The following LBR variants were observed in gnomAD, a reference collection of about 807,000 sequenced individuals.
LBR encodes delta(14)-sterol reductase LBR.
A neutral mutation model predicts 74.3 loss-of-function variants in LBR; 28 were observed. The ratio of observed to expected loss-of-function variants is 0.38; its 90% CI spans 0.28 to 0.52. LBR has a LOEUF of 0.52. Ranked by LOEUF, LBR falls within the 20% of genes least tolerant of loss-of-function variation. LBR has a pLI of 0.89. For synonymous variants in LBR, 228 were observed against 269.3 expected (o/e 0.85, Z 1.50); for missense variants, 717 against 760.3 (o/e 0.94, Z 0.67).
intron 6 of LBR, 132 bp from the exon 7 acceptor site, chr1:225,415,464 T>C (rs12089582): frequency 4.5e-5 from 27 of 603,672 alleles, no homozygotes; most frequent in Non-Finnish European, 6.2e-5. Context: ...TCTTGTAACA[T>C]GGAAATTTAG....
rs138247157 is a variant in LBR at position 225,404,545 on chromosome 1, A to G, written c.1565-19T>C. ...TTTAAATCTATATAAAAATAAAAGT[A>G]CATTTTTAATGATGTCGAGACAAAA... On this transcript the variant is annotated intron_variant, in intron 12 of 13. Coordinates refer to ENST00000272163, the MANE Select transcript of LBR (RefSeq NM_002296.4). 6.3e-7 allele frequency: 1 copy of G among 1,582,298 alleles called. No individual in the cohort carries two copies. The highest frequency in any genetic ancestry group is 1.4e-5 in the African/African-American group (1 of 73,100).
chr1:225,410,532 T>A (rs901147559), intron 9 of LBR, 116 bp from the exon 10 acceptor site: 1 of 1,032,462 alleles, frequency 9.7e-7, no homozygotes, highest in Non-Finnish European at 1.5e-6. Flanking sequence ...CCGTAACTCC[T>A]ACCCGCCACC....
chr1:225,408,310 G>C (rs766984059), intron 10 of LBR, among the ~76,000 whole-genome samples: 18 of 152,192 alleles, frequency 1.2e-4, no homozygotes, highest in Non-Finnish European at 2.6e-4. Context: ...GTCCCCAAGA[G>C]TGTCTTATTC....
At chr1:225,423,273 C>T (rs1369063363) in intron 2 of LBR, among the ~76,000 whole-genome samples, 1 of 152,154 alleles carries the variant, frequency 6.6e-6, no homozygotes, top group African/African-American at 2.4e-5. Context: ...TACTACGGAT[C>T]AGATATCTTA....
At chr1:225,406,139 T>C (rs1312243587) in intron 11 of LBR, among the ~76,000 whole-genome samples, 2 of 152,052 alleles carry the variant, frequency 1.3e-5, no homozygotes, top group African/African-American at 4.8e-5. Flanking sequence ...CCCATCCCAT[T>C]TTCCCCTCTA....
Position 225,410,276 on chromosome 1 carries a change from C to G in LBR, c.1314+15G>C. The G allele has an allele frequency of 6.2e-7, 1 of 1,613,882 alleles. No homozygotes were observed. ...GCCATCTGACTCCAAGGCCTCGGCT[C>G]TTAAAATTAATTACCTCATTCCAGA... On this transcript the variant is annotated intron_variant, in intron 10 of 13. Transcript: ENST00000272163.
chr1:225,415,131 G>A (rs985147986), intron 7 of LBR, 147 bp downstream of exon 7: 12 of 609,352 alleles, frequency 2.0e-5, no homozygotes, highest in Non-Finnish European at 3.3e-5. Context: ...ATACAAGTTG[G>A]CTACAGGTAT....
intron 7 of LBR, among the ~76,000 whole-genome samples, 179 bp from the exon 8 acceptor site, chr1:225,412,824 A>G (rs996471168): frequency 6.6e-6 from 1 of 152,238 alleles, no homozygotes; most frequent in African/African-American, 2.4e-5. Context: ...CAATATACAT[A>G]CCATTATCTC....
At chr1:225,410,745 C>CT (rs1458035482) in intron 9 of LBR, among the ~76,000 whole-genome samples, 2 of 152,178 alleles carry the variant, frequency 1.3e-5, no homozygotes, top group African/African-American at 4.8e-5. Flanking sequence ...CAAGGAAAGC[C>CT]TAAACAACTA....
At chr1:225,412,120 G>T (rs2096107046) in intron 8 of LBR, among the ~76,000 whole-genome samples, 1 of 152,150 alleles carries the variant, frequency 6.6e-6, no homozygotes, top group Non-Finnish European at 1.5e-5. Flanking sequence ...AGTAACCTCT[G>T]TTGTTTTTTG....
At position 225,402,834 on chromosome 1, in the gene LBR, T is replaced by C. The variant is rs2096084011; in HGVS notation, c.*469A>G. On this transcript the variant is annotated 3_prime_UTR_variant, in exon 14 of 14. Transcript: ENST00000272163. ...GGCCCTTCTTTTTGCTTTCAAATTA[T>C]ATAATTAGTAAAGGATTTAAAGAAA... 1.2e-5 allele frequency: 2 copies of C among 161,330 alleles called. No homozygotes were observed. Among genetic ancestry groups the C allele is most frequent in the African/African-American group, 4.8e-5 (2 of 41,504 alleles). The allele number at this position is 161,330 out of a possible 1,614,324, so 10.0% of individuals were successfully genotyped here.
chr1:225,410,625 C>G (rs1424744962), intron 9 of LBR, among the ~76,000 whole-genome samples: 2 of 152,210 alleles, frequency 1.3e-5, no homozygotes, highest in African/African-American at 4.8e-5. Flanking sequence ...GTTCCTGTCA[C>G]AGTGGGTAAC....
intron 1 of LBR, among the ~76,000 whole-genome samples, chr1:225,425,597 C>A (rs897658350): frequency 6.6e-6 from 1 of 152,142 alleles, no homozygotes; most frequent in African/African-American, 2.4e-5. Flanking sequence ...GGCATAAAAA[C>A]GGAAGGTGAC....
rs2096085115 is a variant in LBR at position 225,403,398 on chromosome 1, C to A, written c.1753G>T (p.Ala585Ser). 6.2e-7 allele frequency: 1 copy of A among 1,613,534 alleles called. No individual in the cohort carries two copies. The highest frequency in any genetic ancestry group is 8.5e-7 in the Non-Finnish European group (1 of 1,179,780). Residue 585 changes from alanine to serine, a missense_variant, in exon 14 of 14, where the codon GCT (alanine) becomes TCT (serine). Transcript: ENST00000272163. ...YFTMLLVHRE[A>S]RDEYHCKKKY... is the part of the protein sequence containing the mutation. ...TTCTTACAGTGGTACTCGTCACGAG[C>A]TTCTCGGTGGACAAGCAACATGGTG...
At chr1:225,404,586 T>C (rs1272124018) in intron 12 of LBR, 40 bp downstream of exon 12, 1 of 1,560,820 alleles carries the variant, frequency 6.4e-7, no homozygotes, top group South Asian at 1.1e-5. Context: ...AATAAAACCT[T>C]CATGTAATAT....
chr1:225,419,458 T>C lies in LBR; in HGVS notation c.451-6A>G, dbSNP rs372339302. 3 of 1,596,744 alleles carry C rather than the reference T, an allele frequency of 1.9e-6. No individual in the cohort carries two copies. The highest frequency in any genetic ancestry group is 2.6e-6 in the Non-Finnish European group (3 of 1,164,722). Reference sequence around the variant, plus strand: ...TGTGACAAACTGAATTTTTCCTAAATGAAAAATTTAAAAATTAAATATCTG... The same window carrying C: ...TGTGACAAACTGAATTTTTCCTAAACGAAAAATTTAAAAATTAAATATCTG... On this transcript the variant is annotated splice_polypyrimidine_tract_variant and splice_region_variant and intron_variant, in intron 4 of 13. Coordinates refer to ENST00000272163, the MANE Select transcript of LBR (RefSeq NM_002296.4).
intron 1 of LBR, chr1:225,427,656 C>A (rs1022022982): frequency 3.3e-5 from 5 of 152,474 alleles, no homozygotes; most frequent in African/African-American, 1.2e-4. Context: ...CGCGCCGCGC[C>A]GCCAACATGG....
At chr1:225,410,506 C>A in intron 9 of LBR, 90 bp from the exon 10 acceptor site, 1 of 1,413,038 alleles carries the variant, frequency 7.1e-7, no homozygotes, top group Non-Finnish European at 9.9e-7. Flanking sequence ...ACAGCTGAGA[C>A]ACCTGGCAGA....
At chr1:225,419,671 A>C (rs768407193) in intron 4 of LBR, 44 bp downstream of exon 4, 10 of 1,455,374 alleles carry the variant, frequency 6.9e-6, no homozygotes, top group Non-Finnish European at 9.5e-6. Context: ...AACCAAAAAA[A>C]AGAAAAAAAA....
Sources: allele counts gnomAD v4.1 joint callset (sites outside exome capture counted in the v4.1 genomes callset), GRCh38; gene constraint gnomAD v4.1.1; transcripts MANE v1.5; gene names NCBI Gene and HGNC (gene_info 2026-07-23, HGNC 2026-07-21).